The following NHS variants were observed in gnomAD, a reference collection of about 807,000 sequenced individuals.
The protein encoded by NHS is NHS actin remodeling regulator, also known as actin remodeling regulator NHS.
Under a neutral mutation model 72.5 loss-of-function variants are expected in NHS, and 5 were observed. The observed-to-expected ratio is 0.07, with a 90% CI of 0.04 to 0.14. The LOEUF (loss-of-function observed/expected upper bound fraction) is 0.14. Among genes scored for constraint, NHS ranks in the 10% least tolerant of loss-of-function variants. The pLI is 1.00. For synonymous variants in NHS, 464 were observed against 547.7 expected (o/e 0.85, Z 2.13); for missense variants, 1,072 against 1,355.7 (o/e 0.79, Z 3.29).
At chrX:17,540,992 A>T (rs2065259693) in intron 1 of NHS, among the ~76,000 whole-genome samples, 1 of 111,782 alleles carries the variant, frequency 8.9e-6, no homozygotes, top group Non-Finnish European at 1.9e-5. Context: ...GGATTGCTTG[A>T]ATCTGAGAGG....
intron 1 of NHS, among the ~76,000 whole-genome samples, chrX:17,449,000 T>C (rs754132329): frequency 8.9e-6 from 1 of 112,819 alleles, no homozygotes; most frequent in Admixed American, 9.4e-5. Context: ...GGTACTGTCG[T>C]TGTCTCCATT....
chrX:17,670,315 C>T (rs1208270977), intron 1 of NHS, among the ~76,000 whole-genome samples: 1 of 112,684 alleles, frequency 8.9e-6, no homozygotes, highest in Admixed American at 9.4e-5. Flanking sequence ...AAAGCTCATT[C>T]TTAAATAAAA....
rs746384565 is a variant in NHS at position 17,614,071 on chromosome X, A to T, written c.566-73671A>T. Among the ~76,000 whole-genome samples the T allele has an allele frequency of 1.2e-4, 13 of 112,203 alleles. No homozygotes were observed. The Middle Eastern group carries it at 0.018, about 158-fold the overall frequency. On this transcript the variant is annotated intron_variant, in intron 1 of 8. Transcript: ENST00000676302. The stretch of plus-strand genomic sequence containing the variant: ...AAAGAGACACCTGGTATCACTTAGT[A>T]TCAATTGGACTGGGGAGGTGGTGTT...
At chrX:17,688,594 C>T (rs2066177805) in intron 2 of NHS, among the ~76,000 whole-genome samples, 1 of 111,293 alleles carries the variant, frequency 9.0e-6, no homozygotes. Context: ...GTGGGACACG[C>T]GGAGGCCTAG....
At chrX:17,506,769 T>A (rs1937870218) in intron 1 of NHS, among the ~76,000 whole-genome samples, 1 of 110,931 alleles carries the variant, frequency 9.0e-6, no homozygotes, top group Admixed American at 9.7e-5. Flanking sequence ...TATCTTCCTA[T>A]AATATGCTAG....
intron 1 of NHS, among the ~76,000 whole-genome samples, chrX:17,410,250 C>T (rs755057733): frequency 2.7e-5 from 3 of 111,047 alleles, no homozygotes; most frequent in Non-Finnish European, 5.7e-5. Flanking sequence ...GCTTTCTCCT[C>T]ATCCTTCTGA....
intron 1 of NHS, among the ~76,000 whole-genome samples, chrX:17,395,196 T>G (rs1451072462): frequency 1.8e-5 from 2 of 108,785 alleles, no homozygotes. Flanking sequence ...AAAAAAGACA[T>G]GAGGACAATA....
At chrX:17,718,841 AAGG>A (rs1430334910) in intron 3 of NHS, among the ~76,000 whole-genome samples, 2 of 95,991 alleles carry the variant, frequency 2.1e-5, no homozygotes, top group African/African-American at 7.8e-5. Context: ...AGAAGAAAGG[AAGG>A]AGGGAAGGAA....
At chrX:17,610,909 C>T (rs2065708131) in intron 1 of NHS, among the ~76,000 whole-genome samples, 1 of 112,407 alleles carries the variant, frequency 8.9e-6, no homozygotes, top group South Asian at 3.7e-4. Flanking sequence ...TCACATAGAT[C>T]TGTAACCACT....
chrX:17,449,755 A>G (rs889087948), intron 1 of NHS, among the ~76,000 whole-genome samples: 11 of 112,212 alleles, frequency 9.8e-5, no homozygotes, highest in South Asian at 3.7e-4. Context: ...TTAATCTGTA[A>G]GAACCAGAAG....
intron 1 of NHS, among the ~76,000 whole-genome samples, chrX:17,610,340 T>C (rs1399417518): frequency 8.9e-6 from 1 of 112,475 alleles, no homozygotes; most frequent in Non-Finnish European, 1.9e-5. Context: ...ACATAATTCT[T>C]TGCCTCTCAC....
intron 1 of NHS, among the ~76,000 whole-genome samples, chrX:17,559,769 C>A (rs932833557): frequency 1.8e-5 from 2 of 111,669 alleles, no homozygotes; most frequent in African/African-American, 6.5e-5. Context: ...TAATGGGAAC[C>A]AAGGTGTAAA....
At chrX:17,511,603 T>C (rs971669574) in intron 1 of NHS, among the ~76,000 whole-genome samples, 4 of 112,179 alleles carry the variant, frequency 3.6e-5, no homozygotes, top group African/African-American at 1.3e-4. Context: ...AAACCTTGTG[T>C]TATTCCTAGT....
intron 1 of NHS, among the ~76,000 whole-genome samples, chrX:17,675,379 T>A (rs964510976): frequency 1.8e-5 from 2 of 112,571 alleles, no homozygotes; most frequent in African/African-American, 6.5e-5. Context: ...ATCTTAGATT[T>A]GAATTGGCAA....
intron 1 of NHS, among the ~76,000 whole-genome samples, chrX:17,470,622 C>T (rs777870616): frequency 1.3e-4 from 15 of 111,588 alleles, no homozygotes; most frequent in Admixed American, 2.8e-4. Context: ...TTTACCTGCT[C>T]GCTGCACTCC....
intron 1 of NHS, among the ~76,000 whole-genome samples, chrX:17,648,314 G>A (rs2065915376): frequency 8.9e-6 from 1 of 111,942 alleles, no homozygotes; most frequent in Non-Finnish European, 1.9e-5. Context: ...TCATCCAACA[G>A]GCTGGGCCAG....
intron 1 of NHS, among the ~76,000 whole-genome samples, chrX:17,622,917 A>G (rs1040047264): frequency 9.1e-6 from 1 of 110,255 alleles, no homozygotes; most frequent in African/African-American, 3.3e-5. Context: ...GTGACCTCTT[A>G]TTTTATTATT....
intron 1 of NHS, among the ~76,000 whole-genome samples, chrX:17,634,823 G>A (rs2065837780): frequency 8.9e-6 from 1 of 111,906 alleles, no homozygotes; most frequent in Admixed American, 9.4e-5. Context: ...CTTTCGGTGT[G>A]TGCGCAAATA....
intron 5 of NHS, among the ~76,000 whole-genome samples, chrX:17,723,726 G>GGGGT (rs577139213): frequency 1.4e-5 from 1 of 71,075 alleles, no homozygotes; most frequent in South Asian, 1.1e-3. Context: ...CAGCAAAAGA[G>GGGGT]GTGTGTGTGT....
Sources: gnomAD v4.1 joint callset for allele counts (sites outside exome capture counted in the v4.1 genomes callset) on GRCh38, gnomAD v4.1.1 for gene constraint, MANE v1.5 for transcripts, NCBI Gene and HGNC (gene_info 2026-07-23, HGNC 2026-07-21) for gene names.